Variants in C1QTNF4 observed in about 807,000 individuals in gnomAD.
The protein encoded by C1QTNF4 is C1q and TNF related 4, also known as complement C1q tumor necrosis factor-related protein 4.
In C1QTNF4, 12 loss-of-function variants were observed where a neutral mutation model predicts 14.6. The ratio of observed to expected loss-of-function variants is 0.82; its 90% CI spans 0.53 to 1.33. The LOEUF is 1.33. C1QTNF4 is among the 40% of genes most tolerant of loss of function. The pLI is 0.00. For synonymous variants in C1QTNF4, 278 were observed against 246.6 expected, an observed-to-expected ratio of 1.13 and a Z score of -1.19; for missense variants, 558 against 500.3, an observed-to-expected ratio of 1.12 and a Z score of -1.10.
Position 47,590,568 on chromosome 11 carries a change from C to A in C1QTNF4, c.243G>T (p.Thr81=), listed in dbSNP as rs781609630. Residue 81 remains threonine, a synonymous_variant, in exon 2 of 2, where the codon ACG becomes ACT. Transcript: ENST00000302514. ...RVPGAYFFSF[T]AGKAPHKSLS... is the part of the protein sequence containing the mutation. The stretch of plus-strand genomic sequence containing the variant: ...GGCTCTTGTGCGGGGCCTTGCCAGC[C>A]GTGAAGGAGAAGAAGTAGGCGCCGG... 2.5e-6 allele frequency: 4 copies of A among 1,603,528 alleles called. No individual in the cohort carries two copies. The Admixed American group carries it at 5.1e-5, about 20-fold the overall frequency.
chr11:47,593,294 AGAG>A (rs1236492007), intron 1 of C1QTNF4, among the ~76,000 whole-genome samples: 30 of 152,314 alleles, frequency 2.0e-4, no homozygotes, highest in Admixed American at 9.8e-4. Context: ...CAAAACTAGG[AGAG>A]GAGATCAGAG....
rs1450509270 is a variant in C1QTNF4, at chr11:47,590,772, G to C, written c.39C>G (p.Ala13=). 1.9e-6 allele frequency: 3 copies of C among 1,548,006 alleles called. No homozygotes were observed. Among genetic ancestry groups the C allele is most frequent in the Non-Finnish European group, 8.7e-7 (1 of 1,152,418 alleles). Residue 13 remains alanine (A), a synonymous_variant, in exon 2 of 2, where the codon GCC becomes GCG. Coordinates refer to ENST00000302514, the MANE Select transcript of C1QTNF4 (RefSeq NM_031909.3). Reference sequence around the variant, plus strand: ...CGGGGGTCGGGCCCAGGGCCCAGCAGGCCGCTGGGCCCAGCAGGCCCAGCA... The same window carrying C: ...CGGGGGTCGGGCCCAGGGCCCAGCACGCCGCTGGGCCCAGCAGGCCCAGCA... ...PLLLGLLGPA[A]CWALGPTPGP...
chr11:47,590,382 C>G lies in C1QTNF4; in HGVS notation c.429G>C (p.Ala143=), dbSNP rs752151334. 6.9e-7 allele frequency: 1 copy of G among 1,451,928 alleles called. No individual in the cohort carries two copies. Among genetic ancestry groups the G allele is most frequent in the South Asian group, 1.4e-5 (1 of 72,212 alleles). The allele number at this position is 1,451,928 out of a possible 1,614,324, so 89.9% of individuals were successfully genotyped here. ...WLRLHGAPQY[A]LGAPGATFSG... The stretch of plus-strand genomic sequence containing the variant: ...TGAAGGTGGCGCCGGGCGCGCCTAG[C>G]GCGTACTGCGGGGCGCCATGCAGCC... Residue 143 remains alanine, a synonymous_variant, in exon 2 of 2, where the codon GCG becomes GCC. Transcript: ENST00000302514.
Position 47,590,381 on chromosome 11 carries a change from G to T in C1QTNF4, c.430C>A (p.Leu144Ile), listed in dbSNP as rs567967350. The T allele has an allele frequency of 7.9e-5, 114 of 1,451,078 alleles. No homozygotes were observed. Among genetic ancestry groups the T allele is most frequent in the Middle Eastern group, 2.3e-4 (1 of 4,358 alleles). The allele number at this position is 1,451,078 out of a possible 1,614,324, so 89.9% of individuals were successfully genotyped here. A position where few individuals can be genotyped will look rare whatever the true frequency, so the allele number is the denominator to read the frequency against. Reference protein sequence around the residue: ...LRLHGAPQYALGAPGATFSGY... With the variant: ...LRLHGAPQYAIGAPGATFSGY... ...CTGAAGGTGGCGCCGGGCGCGCCTA[G>T]CGCGTACTGCGGGGCGCCATGCAGC... The change falls in exon 2 of 2, where the codon CTA (leucine) becomes ATA (isoleucine). Residue 144 changes from leucine to isoleucine, a missense_variant. Physicochemically the swap from Leu to Ile is conservative, Grantham distance 5. Coordinates refer to ENST00000302514, the MANE Select transcript of C1QTNF4 (RefSeq NM_031909.3).
In C1QTNF4 at chr11:47,590,885, C is replaced by G. The variant is rs1445785844; in HGVS notation, c.-5-70G>C. On this transcript the variant is annotated intron_variant, in intron 1 of 1. Transcript: ENST00000302514. ...GGCTTCCAAACGCCCGGCTCTCCAC[C>G]GGGAGACAAGGGTTCTCTTCCCAGC... The G allele has an allele frequency of 9.8e-6, 14 of 1,430,410 alleles. No homozygotes were observed. In the African/African-American group the frequency reaches 2.0e-4, roughly 21 times the overall value. 88.6% of individuals were successfully genotyped at this position (1,430,410 alleles called of 1,614,324 possible).
chr11:47,590,755 G>T lies in C1QTNF4; in HGVS notation c.56C>A (p.Pro19Gln). The T allele has an allele frequency of 6.3e-7, 1 of 1,583,300 alleles. No individual in the cohort carries two copies. ...CTCAGAGGATCCCGGGCCGGGGGTCGGGCCCAGGGCCCAGCAGGCCGCTGG... is the reference window on the plus strand; with the variant it reads ...CTCAGAGGATCCCGGGCCGGGGGTCTGGCCCAGGGCCCAGCAGGCCGCTGG... ...LGPAACWALG[P>Q]TPGPGSSELR... The change falls in exon 2 of 2, where the codon CCG (proline) becomes CAG (glutamine). Residue 19 changes from proline to glutamine, a missense_variant. Coordinates refer to ENST00000302514, the MANE Select transcript of C1QTNF4 (RefSeq NM_031909.3).
intron 1 of C1QTNF4, among the ~76,000 whole-genome samples, chr11:47,592,856 C>T (rs1249604150): frequency 6.6e-6 from 1 of 152,166 alleles, no homozygotes; most frequent in Admixed American, 6.6e-5. Flanking sequence ...AGTATGCCAC[C>T]TTCTCATTCT....
At position 47,590,402 on chromosome 11, in the gene C1QTNF4, G is replaced by A. The variant is rs1378410668; in HGVS notation, c.409C>T (p.His137Tyr). ...DYGDTVWLRL[H>Y]GAPQYALGAP... Reference sequence around the variant, plus strand: ...CCTAGCGCGTACTGCGGGGCGCCATGCAGCCGCAGCCACACTGTGTCGCCG... The same window carrying A: ...CCTAGCGCGTACTGCGGGGCGCCATACAGCCGCAGCCACACTGTGTCGCCG... The change falls in exon 2 of 2, where the codon CAT (histidine) becomes TAT (tyrosine). Residue 137 changes from histidine to tyrosine, a missense_variant. Transcript: ENST00000302514. 3 of 1,479,704 alleles carry A rather than the reference G, an allele frequency of 2.0e-6. No individual in the cohort carries two copies. The highest frequency in any genetic ancestry group is 2.5e-5 in the East Asian group (1 of 39,496). 91.7% of individuals were successfully genotyped at this position (1,479,704 alleles called of 1,614,324 possible).
rs1565948423 is a variant in C1QTNF4 at position 47,590,479 on chromosome 11, C to T, written c.332G>A (p.Arg111Gln). 1.3e-6 allele frequency: 2 copies of T among 1,536,424 alleles called. No individual in the cohort carries two copies. The highest frequency in any genetic ancestry group is 1.2e-5 in the South Asian group (1 of 83,058). Reference sequence around the variant, plus strand: ...GCTGGCTGCGCGCCGCGCGCCTGGCCGCCGCTGCTCGTCGAAGGCCAGCGC... The same window carrying T: ...GCTGGCTGCGCGCCGCGCGCCTGGCTGCCGCTGCTCGTCGAAGGCCAGCGC... The part of the protein sequence containing the change: ...VQALAFDEQR[R>Q]PGARRAASQS... Residue 111 changes from arginine (R) to glutamine (Q), a missense_variant, in exon 2 of 2, where the codon CGG (arginine) becomes CAG (glutamine). Physicochemically the swap from Arg to Gln is conservative, Grantham distance 43 (BLOSUM62 1). Coordinates refer to ENST00000302514, the MANE Select transcript of C1QTNF4 (RefSeq NM_031909.3).
chr11:47,592,328 AC>A (rs1397604907), intron 1 of C1QTNF4, among the ~76,000 whole-genome samples: 10 of 152,270 alleles, frequency 6.6e-5, no homozygotes, highest in Middle Eastern at 3.4e-3. Context: ...AGGTTCCCTA[AC>A]TTCTCTGGGC....
In C1QTNF4 at chr11:47,590,228, C is replaced by T. The variant is rs748080430; in HGVS notation, c.583G>A (p.Gly195Arg). 6.5e-7 allele frequency: 1 copy of T among 1,529,402 alleles called. No homozygotes were observed. The highest frequency in any genetic ancestry group is 8.7e-7 in the Non-Finnish European group (1 of 1,145,796). The allele number at this position is 1,529,402 out of a possible 1,614,324, so 94.7% of individuals were successfully genotyped here. A position where few individuals can be genotyped will look rare whatever the true frequency, so the allele number is the denominator to read the frequency against. The change falls in exon 2 of 2, where the codon GGG becomes AGG. Residue 195 changes from glycine to arginine, a missense_variant. Coordinates refer to ENST00000302514, the MANE Select transcript of C1QTNF4 (RefSeq NM_031909.3). ...AAGGCGAGTGGTTGGTGCCGCGGCCCGGGGCCAGCGTCCGAGCCCACCAAG... is the reference window on the plus strand; with the variant it reads ...AAGGCGAGTGGTTGGTGCCGCGGCCTGGGGCCAGCGTCCGAGCCCACCAAG... Reference protein sequence around the residue: ...RSLVGSDAGPGPRHQPLAFDT... With the variant: ...RSLVGSDAGPRPRHQPLAFDT...
In C1QTNF4 at chr11:47,590,735, A is replaced by C; in HGVS notation, c.76T>G (p.Ser26Ala). The C allele has an allele frequency of 6.2e-7, 1 of 1,607,056 alleles. No homozygotes were observed. Among genetic ancestry groups the C allele is most frequent in the Non-Finnish European group, 8.5e-7 (1 of 1,177,576 alleles). The change falls in exon 2 of 2, where the codon TCT (serine) becomes GCT (alanine). Residue 26 changes from serine (S) to alanine (A), a missense_variant. Coordinates refer to ENST00000302514, the MANE Select transcript of C1QTNF4 (RefSeq NM_031909.3). ...GCCGAGAAGGCCGAGCGCAGCTCAG[A>C]GGATCCCGGGCCGGGGGTCGGGCCC... ...ALGPTPGPGS[S>A]ELRSAFSAAR...
At chr11:47,591,387 GCC>G (rs558898707) in intron 1 of C1QTNF4, among the ~76,000 whole-genome samples, 3 of 74,450 alleles carry the variant, frequency 4.0e-5, no homozygotes, top group African/African-American at 1.6e-4. Context: ...TTGAAACCCC[GCC>G]CCCCCCCCTT....
chr11:47,590,020 G>A lies in C1QTNF4; in HGVS notation c.791C>T (p.Ser264Leu), dbSNP rs778312961. ...CTGGCTCTGCATCTCGCGGCGCCGC[G>A]ACGCGCCGTCGTCGTAAATCATGGC... ...VQAMIYDDGA[S>L]RRREMQSQSV... The change falls in exon 2 of 2, where the codon TCG (serine) becomes TTG (leucine). Residue 264 changes from serine (S) to leucine (L), a missense_variant. Coordinates refer to ENST00000302514, the MANE Select transcript of C1QTNF4 (RefSeq NM_031909.3). 4.8e-5 allele frequency: 77 copies of A among 1,611,772 alleles called. 1 individual carries two copies. In the South Asian group the frequency reaches 7.6e-4, roughly 16 times the overall value.
At chr11:47,592,075 T>A (rs1010108406) in intron 1 of C1QTNF4, among the ~76,000 whole-genome samples, 1 of 152,180 alleles carries the variant, frequency 6.6e-6, no homozygotes, top group Non-Finnish European at 1.5e-5. Flanking sequence ...TTCCTCCCCC[T>A]TGAAATCAGA....
Position 47,594,257 on chromosome 11 carries a change from A to G in C1QTNF4, c.-115T>C, listed in dbSNP as rs1464411429. 6.6e-6 allele frequency: 1 copy of G among 151,756 alleles called. No individual in the cohort carries two copies. Among genetic ancestry groups the G allele is most frequent in the Non-Finnish European group, 1.5e-5 (1 of 68,084 alleles). The allele number at this position is 151,756 out of a possible 1,614,324, so 9.4% of individuals were successfully genotyped here. ...GCTGCGGGTGCCGGGCTGCGCGCTG[A>G]CCGCCCGCGCTGCGGCAGGGGCGGC... On this transcript the variant is annotated 5_prime_UTR_variant, in exon 1 of 2. Coordinates refer to ENST00000302514, the MANE Select transcript of C1QTNF4 (RefSeq NM_031909.3).
chr11:47,590,897 G>A lies in C1QTNF4; in HGVS notation c.-5-82C>T, dbSNP rs897492478. Reference sequence around the variant, plus strand: ...CCCGGCTCTCCACCGGGAGACAAGGGTTCTCTTCCCAGCCCTGCCCTTGAC... The same window carrying A: ...CCCGGCTCTCCACCGGGAGACAAGGATTCTCTTCCCAGCCCTGCCCTTGAC... On this transcript the variant is annotated intron_variant, in intron 1 of 1. Transcript: ENST00000302514. The A allele has an allele frequency of 6.3e-6, 9 of 1,429,220 alleles. No homozygotes were observed. The African/African-American group carries it at 8.7e-5, about 14-fold the overall frequency. 88.5% of individuals were successfully genotyped at this position (1,429,220 alleles called of 1,614,324 possible).
chr11:47,590,292 G>T lies in C1QTNF4; in HGVS notation c.519C>A (p.Pro173=). ...CCGCCGAGAAGGCCGAGCGCGGCTC[G>T]GGGGGCGCGGGCGGCCCGCGCGCAG... ...DAPARGPPAP[P]EPRSAFSAAR... is the part of the protein sequence containing the mutation. The change falls in exon 2 of 2, where the codon CCC becomes CCA. Residue 173 remains proline, a synonymous_variant. Transcript: ENST00000302514. The T allele has an allele frequency of 1.7e-6, 2 of 1,161,592 alleles. No individual in the cohort carries two copies. Among genetic ancestry groups the T allele is most frequent in the Non-Finnish European group, 2.1e-6 (2 of 941,444 alleles). 72.0% of individuals were successfully genotyped at this position (1,161,592 alleles called of 1,614,324 possible). A position where few individuals can be genotyped will look rare whatever the true frequency, so the allele number is the denominator to read the frequency against.
chr11:47,590,220 C>T lies in C1QTNF4; in HGVS notation c.591G>A (p.Arg197=), dbSNP rs1328788417. The T allele has an allele frequency of 7.7e-6, 12 of 1,551,002 alleles. No individual in the cohort carries two copies. Among genetic ancestry groups the T allele is most frequent in the Non-Finnish European group, 9.5e-6 (11 of 1,154,822 alleles). Residue 197 remains arginine, a synonymous_variant, in exon 2 of 2, where the codon CGG becomes CGA. Coordinates refer to ENST00000302514, the MANE Select transcript of C1QTNF4 (RefSeq NM_031909.3). ...CGGTGTCGAAGGCGAGTGGTTGGTG[C>T]CGCGGCCCGGGGCCAGCGTCCGAGC... ...LVGSDAGPGP[R]HQPLAFDTEF...
Sources: allele counts gnomAD v4.1 joint callset (sites outside exome capture counted in the v4.1 genomes callset), GRCh38; gene constraint gnomAD v4.1.1; transcripts MANE v1.5; gene names NCBI Gene and HGNC (gene_info 2026-07-23, HGNC 2026-07-21).